Variants in NPY2R observed in about 807,000 individuals in gnomAD.
The protein encoded by NPY2R is neuropeptide Y receptor Y2, also known as neuropeptide Y receptor type 2.
NPY2R carries 17 observed loss-of-function variants against 22.3 expected under a neutral mutation model. The observed-to-expected ratio is 0.76, with a 90% CI of 0.52 to 1.14. The LOEUF (loss-of-function observed/expected upper bound fraction) is 1.14. Among genes scored for constraint, NPY2R ranks in the 50% most tolerant of loss-of-function variants. The probability of loss-of-function intolerance (pLI) is 0.00; values close to 1 mark genes in which losing one functional copy is unlikely to be tolerated. For missense variants in NPY2R, 424 were observed against 467.9 expected (o/e 0.91, Z 0.87); for synonymous variants, 209 against 183.4 (o/e 1.14, Z -1.13).
At chr4:155,190,800 G>A in the NPY2R span, among the ~76,000 whole-genome samples, 3 of 151,834 alleles carry the variant, frequency 2.0e-5, no homozygotes, top group Non-Finnish European at 4.4e-5. Flanking sequence ...GAAAAGGCAG[G>A]CGATTCAATA....
chr4:155,186,704 T>C, the NPY2R span, among the ~76,000 whole-genome samples: 1 of 152,138 alleles, frequency 6.6e-6, no homozygotes, highest in Non-Finnish European at 1.5e-5. Flanking sequence ...TTATTCCTCC[T>C]AACCGAAATT....
the NPY2R span, among the ~76,000 whole-genome samples, chr4:155,195,041 A>C: frequency 0.025 from 3,842 of 152,062 alleles, 156 homozygotes; most frequent in African/African-American, 0.088. Flanking sequence ...TCTTCTAACT[A>C]CAAAGTTAAT....
chr4:155,205,580 A>G (rs975178692), upstream of NPY2R, among the ~76,000 whole-genome samples: 8 of 152,182 alleles, frequency 5.3e-5, no homozygotes, highest in Non-Finnish European at 4.4e-5. Flanking sequence ...CTTACTTCAG[A>G]GTCTCCTTGG....
At chr4:155,213,528 T>C (rs1472143873) in intron 1 of NPY2R, among the ~76,000 whole-genome samples, 1 of 152,226 alleles carries the variant, frequency 6.6e-6, no homozygotes, top group Admixed American at 6.5e-5. Flanking sequence ...ATTAATTCAA[T>C]GAATTCATAG....
chr4:155,183,895 T>A, the NPY2R span, among the ~76,000 whole-genome samples: 1 of 152,130 alleles, frequency 6.6e-6, no homozygotes, highest in Non-Finnish European at 1.5e-5. Context: ...CCCAAACCTA[T>A]ATACTAAGCA....
chr4:155,193,560 G>C, the NPY2R span, among the ~76,000 whole-genome samples: 2 of 151,952 alleles, frequency 1.3e-5, no homozygotes, highest in South Asian at 4.1e-4. Context: ...TGGATAACTT[G>C]TACCTAGAAG....
chr4:155,204,582 A>G (rs550408653), upstream of NPY2R, among the ~76,000 whole-genome samples: 1 of 152,216 alleles, frequency 6.6e-6, no homozygotes, highest in African/African-American at 2.4e-5. Context: ...CATTTCTCAC[A>G]GTTTTGTCCA....
chr4:155,194,758 G>C, the NPY2R span, among the ~76,000 whole-genome samples: 1 of 151,898 alleles, frequency 6.6e-6, no homozygotes, highest in Non-Finnish European at 1.5e-5. Context: ...TGTATACCTG[G>C]TAATGAGATT....
chr4:155,204,805 A>G (rs996621895), upstream of NPY2R, among the ~76,000 whole-genome samples: 9 of 140,556 alleles, frequency 6.4e-5, no homozygotes, highest in African/African-American at 2.4e-4. Flanking sequence ...GAAATTTTAG[A>G]CTTTATACAG....
Position 155,214,067 on chromosome 4 carries a change from G to C in NPY2R, c.128G>C (p.Ser43Thr), listed in dbSNP as rs958636318. ...VPDPEPELID[S>T]TKLIEVQVVL... ...GACCCTGAGCCAGAGCTTATAGATA[G>C]TACCAAGCTGATTGAGGTACAAGTT... The change falls in exon 2 of 2, where the codon AGT becomes ACT. Residue 43 changes from serine to threonine, a missense_variant. Ser to Thr is a moderately conservative substitution (Grantham distance 58). Coordinates refer to ENST00000329476, the MANE Select transcript of NPY2R (RefSeq NM_000910.4). 5 of 1,613,802 alleles carry C rather than the reference G, an allele frequency of 3.1e-6. No individual in the cohort carries two copies. Among genetic ancestry groups the C allele is most frequent in the Non-Finnish European group, 4.2e-6 (5 of 1,179,816 alleles).
chr4:155,192,450 A>C, the NPY2R span, among the ~76,000 whole-genome samples: 1 of 151,934 alleles, frequency 6.6e-6, no homozygotes, highest in East Asian at 1.9e-4. Context: ...ATCATTGCAC[A>C]GGATAATTTG....
chr4:155,193,857 C>A, the NPY2R span, among the ~76,000 whole-genome samples: 1 of 151,878 alleles, frequency 6.6e-6, no homozygotes, highest in Non-Finnish European at 1.5e-5. Context: ...AACATGGAAA[C>A]AAACACAGAT....
At chr4:155,192,636 T>C in the NPY2R span, among the ~76,000 whole-genome samples, 6 of 152,002 alleles carry the variant, frequency 3.9e-5, no homozygotes, top group Non-Finnish European at 7.4e-5. Flanking sequence ...CTTAACAGCT[T>C]TCAATTTCTA....
At chr4:155,191,032 GT>G in the NPY2R span, among the ~76,000 whole-genome samples, 1 of 151,840 alleles carries the variant, frequency 6.6e-6, no homozygotes, top group Admixed American at 6.6e-5. Flanking sequence ...CTGGAAGAGA[GT>G]TTTGAAGTTA....
At position 155,216,073 on chromosome 4, in the gene NPY2R, GTTA is replaced by G. The variant is rs2111049929; in HGVS notation, c.*991_*993del. On this transcript the variant is annotated 3_prime_UTR_variant, in exon 2 of 2. Transcript: ENST00000329476. ...TCATGTATTTAAAGAACACTGCAGT[GTTA>G]TTTTCTTTGAAATTCATCCTCCACG... 1 of 167,016 alleles carries G rather than the reference GTTA, an allele frequency of 6.0e-6. No individual in the cohort carries two copies. The highest frequency in any genetic ancestry group is 2.1e-4 in the South Asian group (1 of 4,824). 10.3% of individuals were successfully genotyped at this position (167,016 alleles called of 1,614,324 possible). A position where few individuals can be genotyped will look rare whatever the true frequency, so the allele number is the denominator to read the frequency against.
the NPY2R span, among the ~76,000 whole-genome samples, chr4:155,177,024 G>C: frequency 0.056 from 8,504 of 152,122 alleles, 780 homozygotes; most frequent in African/African-American, 0.2. Flanking sequence ...GAGAAATTAA[G>C]TGTTAACACA....
upstream of NPY2R, among the ~76,000 whole-genome samples, chr4:155,205,150 G>A (rs1729256137): frequency 6.6e-6 from 1 of 152,028 alleles, no homozygotes; most frequent in Non-Finnish European, 1.5e-5. Flanking sequence ...TAAAATTTCA[G>A]TTCTTCAGTT....
At chr4:155,178,389 TTTA>T in the NPY2R span, among the ~76,000 whole-genome samples, 1 of 152,202 alleles carries the variant, frequency 6.6e-6, no homozygotes, top group Admixed American at 6.5e-5. Flanking sequence ...TTCTTTTAAT[TTTA>T]TTGAGACTCA....
In NPY2R at chr4:155,214,228, CT is replaced by C. The variant is rs755681432; in HGVS notation, c.293del (p.Leu98TrpfsTer2). The stretch of plus-strand genomic sequence containing the variant: ...CATTGCCAATCTGGCTGTGGCAGAT[CT>C]TTTGGTGAACACTCTGTGTCTACCG... Reference protein sequence around the residue: ...FFIANLAVADLLVNTLCLPFT... With the variant: ...FFIANLAVADXLVNTLCLPFT... On this transcript the variant is annotated frameshift_variant, in exon 2 of 2. Transcript: ENST00000329476. LOFTEE classifies it high-confidence loss of function. The C allele has an allele frequency of 2.4e-5, 39 of 1,614,118 alleles. No homozygotes were observed. The highest frequency in any genetic ancestry group is 3.3e-5 in the Non-Finnish European group (39 of 1,179,976).
Sources: allele counts gnomAD v4.1 joint callset (sites outside exome capture counted in the v4.1 genomes callset), GRCh38; gene constraint gnomAD v4.1.1; transcripts MANE v1.5; gene names NCBI Gene and HGNC (gene_info 2026-07-23, HGNC 2026-07-21).